BCL11B: variants seen among roughly 807,000 people sequenced by gnomAD.
BCL11B encodes BCL11 transcription factor B.
Under a neutral mutation model 49.9 loss-of-function variants are expected in BCL11B, and 8 were observed. The ratio of observed to expected loss-of-function variants is 0.16; its 90% confidence interval spans 0.09 to 0.29. BCL11B has a LOEUF of 0.29. Among genes scored for constraint, BCL11B ranks in the 10% least tolerant of loss-of-function variants. The pLI is 1.00. For missense variants in BCL11B, 1,006 were observed against 1,351.0 expected (o/e 0.74, Z 4.00); for synonymous variants, 739 against 637.4 (o/e 1.16, Z -2.40).
chr14:99,252,536 A>T (rs1889036691), intron 2 of BCL11B, among the ~76,000 whole-genome samples: 1 of 152,186 alleles, frequency 6.6e-6, no homozygotes, highest in South Asian at 2.1e-4. Context: ...GCCCCAAACC[A>T]AACCCTTATC....
chr14:99,223,339 A>C (rs1305945223), intron 3 of BCL11B, among the ~76,000 whole-genome samples: 1 of 152,114 alleles, frequency 6.6e-6, no homozygotes, highest in East Asian at 1.9e-4. Flanking sequence ...TAATATCTGC[A>C]AAGAGACCTC....
intron 2 of BCL11B, among the ~76,000 whole-genome samples, chr14:99,236,954 A>G (rs943936156): frequency 2.0e-5 from 3 of 152,164 alleles, no homozygotes; most frequent in Non-Finnish European, 4.4e-5. Context: ...GCAATTTCCT[A>G]TTTGAAAGAA....
intron 2 of BCL11B, among the ~76,000 whole-genome samples, chr14:99,240,785 T>C (rs1415020444): frequency 6.6e-6 from 1 of 152,236 alleles, no homozygotes; most frequent in Non-Finnish European, 1.5e-5. Context: ...GGGACTAATT[T>C]AATAAAGATT....
At chr14:99,189,685 C>T (rs773973439) in intron 3 of BCL11B, among the ~76,000 whole-genome samples, 1 of 152,182 alleles carries the variant, frequency 6.6e-6, no homozygotes, top group Non-Finnish European at 1.5e-5. Flanking sequence ...GCCCCCCACC[C>T]CATGAGGGCA....
At chr14:99,186,258 C>T (rs758389794) in intron 3 of BCL11B, among the ~76,000 whole-genome samples, 6 of 152,320 alleles carry the variant, frequency 3.9e-5, no homozygotes, top group Non-Finnish European at 7.3e-5. Context: ...CAGTGGCTCA[C>T]GCCTGTAATC....
intron 3 of BCL11B, among the ~76,000 whole-genome samples, chr14:99,196,470 T>C (rs1178605633): frequency 1.3e-5 from 2 of 152,172 alleles, no homozygotes; most frequent in Non-Finnish European, 2.9e-5. Context: ...AGCCAGCCCA[T>C]CTTTCAGGGA....
At chr14:99,196,571 A>G (rs1225033289) in intron 3 of BCL11B, among the ~76,000 whole-genome samples, 4 of 152,202 alleles carry the variant, frequency 2.6e-5, no homozygotes, top group Non-Finnish European at 1.5e-5. Context: ...TTCACTTTGC[A>G]GCGGCTCATG....
At chr14:99,264,463 G>A (rs1188847677) in intron 1 of BCL11B, 2 of 151,588 alleles carry the variant, frequency 1.3e-5, no homozygotes, top group South Asian at 2.1e-4. Context: ...TAAGTGGAAG[G>A]GGGCCATAAA....
At chr14:99,210,763 G>C (rs530400384) in intron 3 of BCL11B, among the ~76,000 whole-genome samples, 2 of 152,192 alleles carry the variant, frequency 1.3e-5, no homozygotes, top group Non-Finnish European at 2.9e-5. Context: ...CCCCAGAGTT[G>C]GTCTAGCAGG....
Position 99,174,679 on chromosome 14 carries a change from C to A in BCL11B, c.2157G>T (p.Arg719=). 6.3e-7 allele frequency: 1 copy of A among 1,575,402 alleles called. No homozygotes were observed. The highest frequency in any genetic ancestry group is 1.8e-5 in the Admixed American group (1 of 56,604). ...CCAGGAAGGGGTCCTTCATGAAGTG[C>A]CGCGACGCCGCGTAGCCCACCAGCC... The part of the protein sequence containing the change: ...SQWLVGYAAS[R]HFMKDPFLGF... The change falls in exon 4 of 4, where the codon CGG becomes CGT. Residue 719 remains arginine (R), a synonymous_variant. Transcript: ENST00000357195.
intron 2 of BCL11B, among the ~76,000 whole-genome samples, chr14:99,233,655 C>A (rs1393160783): frequency 6.6e-6 from 1 of 152,144 alleles, no homozygotes; most frequent in Non-Finnish European, 1.5e-5. Context: ...TGGGAGGAAC[C>A]GTTGCAGAGC....
Position 99,170,448 on chromosome 14 carries a change from C to T in BCL11B, c.*3703G>A, listed in dbSNP as rs1030383934. ...GATATTGGTATTTTATTTAAAAATG[C>T]ATTATTCCCTCATCCAAAAGACCAC... On this transcript the variant is annotated 3_prime_UTR_variant, in exon 4 of 4. Coordinates refer to ENST00000357195, the MANE Select transcript of BCL11B (RefSeq NM_138576.4). The T allele has an allele frequency of 1.3e-5, 3 of 226,314 alleles. No individual in the cohort carries two copies. The highest frequency in any genetic ancestry group is 1.8e-5 in the Non-Finnish European group (2 of 113,668). 14.0% of individuals were successfully genotyped at this position (226,314 alleles called of 1,614,324 possible).
At position 99,232,513 on chromosome 14, in the gene BCL11B, G is replaced by A. The variant is rs913863453; in HGVS notation, c.428-956C>T. Among the ~76,000 whole-genome samples the A allele has an allele frequency of 3.3e-5, 5 of 152,214 alleles. No homozygotes were observed. On this transcript the variant is annotated intron_variant, in intron 2 of 3. Transcript: ENST00000357195. This position sits in a 1 kb window ranked among gnomAD's most constrained non-coding sequence, Gnocchi z 5.1. ...AAAGGAAACGTCAACAAGAGGATGG[G>A]CAGCTGGGCCCAGCCGGCTTTGCCA...
chr14:99,189,410 C>G (rs896917538), intron 3 of BCL11B, among the ~76,000 whole-genome samples: 4 of 152,236 alleles, frequency 2.6e-5, no homozygotes, highest in African/African-American at 9.6e-5. Flanking sequence ...AAAAGCTGCA[C>G]GCACACTACA....
intron 3 of BCL11B, among the ~76,000 whole-genome samples, chr14:99,189,908 G>C (rs74080344): frequency 0.12 from 17,876 of 152,254 alleles, 1,129 homozygotes; most frequent in African/African-American, 0.16. Flanking sequence ...CAGGCCCAGG[G>C]GAGGTGGAGT....
intron 3 of BCL11B, among the ~76,000 whole-genome samples, chr14:99,201,736 C>G (rs1039441299): frequency 6.6e-6 from 1 of 152,196 alleles, no homozygotes; most frequent in South Asian, 2.1e-4. Flanking sequence ...GGCTGCCCCT[C>G]CACTGTGCCC....
intron 1 of BCL11B, among the ~76,000 whole-genome samples, chr14:99,260,734 G>C (rs931391490): frequency 2.0e-5 from 3 of 151,674 alleles, no homozygotes; most frequent in African/African-American, 7.3e-5. Context: ...TCATGCAGCA[G>C]CCCTGCGAGC....
intron 3 of BCL11B, among the ~76,000 whole-genome samples, chr14:99,178,593 C>G (rs1352786159): frequency 6.6e-6 from 1 of 152,220 alleles, no homozygotes; most frequent in Non-Finnish European, 1.5e-5. Flanking sequence ...GGGAACAGCA[C>G]GCCTTAGCTC....
Position 99,176,022 on chromosome 14 carries a change from C to T in BCL11B, c.814G>A (p.Glu272Lys), listed in dbSNP as rs1417328526. Residue 272 changes from glutamate (E) to lysine (K), a missense_variant, in exon 4 of 4, where the codon GAG becomes AAG. Physicochemically the swap from Glu to Lys is moderately conservative, Grantham distance 56. This residue lies in a region of BCL11B where 411 missense variants were observed against 542.2 expected (regional missense o/e 0.76). Transcript: ENST00000357195. Reference sequence around the variant, plus strand: ...ATGAGCGGGGACTGCGCCACGGCCTCCGGCCCGAGCGGCGGCGGGATGGTG... The same window carrying T: ...ATGAGCGGGGACTGCGCCACGGCCTTCGGCCCGAGCGGCGGCGGGATGGTG... ...RLTIPPPLGP[E>K]AVAQSPLMNF... 6.4e-7 allele frequency: 1 copy of T among 1,573,818 alleles called. No homozygotes were observed. Among genetic ancestry groups the T allele is most frequent in the Non-Finnish European group, 8.6e-7 (1 of 1,160,358 alleles).
Sources: gnomAD v4.1 joint callset for allele counts (sites outside exome capture counted in the v4.1 genomes callset) on GRCh38, gnomAD v4.1.1 for gene constraint, gnomAD v4.1.1 regional missense constraint, Gnocchi (gnomAD v3.1) non-coding constraint, MANE v1.5 for transcripts, NCBI Gene and HGNC (gene_info 2026-07-23, HGNC 2026-07-21) for gene names.